The following SUCLG2 variants were observed in gnomAD, a reference collection of about 807,000 sequenced individuals.
The protein encoded by SUCLG2 is succinate-CoA ligase GDP-forming subunit beta.
A neutral mutation model predicts 47.9 loss-of-function variants in SUCLG2; 42 were observed. The ratio of observed to expected loss-of-function variants is 0.88; its 90% CI spans 0.69 to 1.14. The LOEUF (loss-of-function observed/expected upper bound fraction) is 1.14. SUCLG2 is among the 50% of genes most tolerant of loss of function. The probability of loss-of-function intolerance (pLI) is 0.00; values close to 1 mark genes in which losing one functional copy is unlikely to be tolerated. For missense variants in SUCLG2, 571 were observed against 525.9 expected (o/e 1.09, Z -0.84); for synonymous variants, 195 against 197.3 (o/e 0.99, Z 0.10).
intron 2 of SUCLG2, among the ~76,000 whole-genome samples, chr3:67,530,349 A>G (rs1425816274): frequency 1.3e-5 from 2 of 152,222 alleles, no homozygotes; most frequent in African/African-American, 4.8e-5. Context: ...TGATTAATTA[A>G]AAACTATTGC....
chr3:67,422,263 A>G (rs1430519722), intron 9 of SUCLG2, among the ~76,000 whole-genome samples: 18 of 151,658 alleles, frequency 1.2e-4, no homozygotes, highest in Admixed American at 1.2e-3. Flanking sequence ...CACAAGGTCA[A>G]GAGATTGAGA....
At chr3:67,393,691 G>T (rs937944451) in intron 10 of SUCLG2, among the ~76,000 whole-genome samples, 1 of 152,234 alleles carries the variant, frequency 6.6e-6, no homozygotes, top group Non-Finnish European at 1.5e-5. Context: ...GCACGCAGCT[G>T]GAGATCTGAG....
intron 9 of SUCLG2, among the ~76,000 whole-genome samples, chr3:67,479,036 A>G (rs948502253): frequency 1.3e-5 from 2 of 152,230 alleles, no homozygotes; most frequent in African/African-American, 2.4e-5. Context: ...AGCTCAAGTC[A>G]TGTCTTCTCT....
chr3:67,583,790 C>G (rs1489870163), intron 2 of SUCLG2, among the ~76,000 whole-genome samples: 1 of 152,194 alleles, frequency 6.6e-6, no homozygotes, highest in African/African-American at 2.4e-5. Flanking sequence ...ACATCAAATC[C>G]TTCTCAGGCT....
chr3:67,420,146 G>A (rs947211277), intron 9 of SUCLG2, among the ~76,000 whole-genome samples: 2 of 152,136 alleles, frequency 1.3e-5, no homozygotes, highest in African/African-American at 2.4e-5. Context: ...GAAAAATGGG[G>A]AAAATGGACT....
At chr3:67,652,481 G>A (rs972046482) in intron 1 of SUCLG2, among the ~76,000 whole-genome samples, 3 of 152,124 alleles carry the variant, frequency 2.0e-5, no homozygotes, top group East Asian at 1.9e-4. Context: ...CTATGGAAAC[G>A]TAATATCAAA....
At chr3:67,557,293 T>G (rs941493665) in intron 2 of SUCLG2, among the ~76,000 whole-genome samples, 15 of 152,166 alleles carry the variant, frequency 9.9e-5, no homozygotes, top group African/African-American at 3.6e-4. Flanking sequence ...TAGCATCAAT[T>G]TGAGATGAAC....
At chr3:67,368,313 C>A (rs1295784546) in intron 10 of SUCLG2, among the ~76,000 whole-genome samples, 2 of 152,210 alleles carry the variant, frequency 1.3e-5, no homozygotes, top group Admixed American at 1.3e-4. Context: ...AAAGTATCAA[C>A]TTGCTGATAT....
intron 4 of SUCLG2, among the ~76,000 whole-genome samples, chr3:67,520,890 C>A (rs1269404771): frequency 6.6e-6 from 1 of 152,150 alleles, no homozygotes; most frequent in African/African-American, 2.4e-5. Flanking sequence ...CCACTTTAAT[C>A]TTCTTTTTTG....
chr3:67,518,264 C>A lies in SUCLG2; in HGVS notation c.643G>T (p.Gly215Trp). Residue 215 changes from glycine (G) to tryptophan (W), a missense_variant, in exon 6 of 11, where the codon GGG (glycine) becomes TGG (tryptophan). Transcript: ENST00000307227. Reference sequence around the variant, plus strand: ...TTATATACCTGGCTTTTCAAAGGCCCAACGAAGCCTAGATTTTCGGCCATC... The same window carrying A: ...TTATATACCTGGCTTTTCAAAGGCCAAACGAAGCCTAGATTTTCGGCCATC... The part of the protein sequence containing the change: ...QRMAENLGFV[G>W]PLKSQAADQI... 2 of 1,611,972 alleles carry A rather than the reference C, an allele frequency of 1.2e-6. No individual in the cohort carries two copies. The highest frequency in any genetic ancestry group is 2.2e-5 in the East Asian group (1 of 44,818).
At chr3:67,520,007 A>G (rs1209250769) in intron 5 of SUCLG2, among the ~76,000 whole-genome samples, 1 of 152,180 alleles carries the variant, frequency 6.6e-6, no homozygotes, top group Non-Finnish European at 1.5e-5. Context: ...AACTGATAGA[A>G]TCTAGACTTC....
intron 1 of SUCLG2, among the ~76,000 whole-genome samples, chr3:67,610,063 C>T (rs1220880392): frequency 1.3e-5 from 2 of 152,076 alleles, no homozygotes; most frequent in South Asian, 2.1e-4. Context: ...CCCTTCTCAC[C>T]CCAAATAAAT....
chr3:67,549,996 TC>T (rs1372897471), intron 2 of SUCLG2, among the ~76,000 whole-genome samples: 1 of 152,236 alleles, frequency 6.6e-6, no homozygotes, highest in African/African-American at 2.4e-5. Flanking sequence ...ACCATTCAGC[TC>T]TACTGGGCTT....
chr3:67,466,847 C>T (rs1704485003), intron 9 of SUCLG2, among the ~76,000 whole-genome samples: 1 of 152,136 alleles, frequency 6.6e-6, no homozygotes, highest in Non-Finnish European at 1.5e-5. Flanking sequence ...GAAATATTAC[C>T]AGCTGAACAA....
At chr3:67,579,646 T>C (rs982071697) in intron 2 of SUCLG2, among the ~76,000 whole-genome samples, 1 of 152,188 alleles carries the variant, frequency 6.6e-6, no homozygotes, top group African/African-American at 2.4e-5. Context: ...CACAGTGATA[T>C]TCCAAGCTGG....
At chr3:67,498,751 T>C (rs1344813228) in intron 7 of SUCLG2, among the ~76,000 whole-genome samples, 2 of 152,234 alleles carry the variant, frequency 1.3e-5, no homozygotes, top group East Asian at 1.9e-4. Context: ...GAAATTTTTA[T>C]TGAATCAGTA....
At chr3:67,574,247 G>A (rs1266873244) in intron 2 of SUCLG2, among the ~76,000 whole-genome samples, 3 of 152,104 alleles carry the variant, frequency 2.0e-5, no homozygotes, top group African/African-American at 7.2e-5. Flanking sequence ...TCATCTAAAC[G>A]TTTATACTTG....
At chr3:67,632,334 C>A (rs1272976593) in intron 1 of SUCLG2, among the ~76,000 whole-genome samples, 1 of 152,036 alleles carries the variant, frequency 6.6e-6, no homozygotes, top group East Asian at 1.9e-4. Context: ...AGGCACGCAC[C>A]ACCACACCCA....
chr3:67,550,612 A>G (rs1205357245), intron 2 of SUCLG2, among the ~76,000 whole-genome samples: 1 of 152,198 alleles, frequency 6.6e-6, no homozygotes, highest in East Asian at 1.9e-4. Context: ...TATAGGTGTC[A>G]GCCATCACAC....
Sources: allele counts gnomAD v4.1 joint callset (sites outside exome capture counted in the v4.1 genomes callset), GRCh38; gene constraint gnomAD v4.1.1; transcripts MANE v1.5; gene names NCBI Gene and HGNC (gene_info 2026-07-23, HGNC 2026-07-21).